Variants in TRPA1 observed in about 807,000 individuals in gnomAD.
TRPA1 encodes transient receptor potential cation channel subfamily A member 1.
TRPA1 carries 129 observed loss-of-function variants against 131.3 expected under a neutral mutation model. That is an observed-to-expected ratio of 0.98 (90% CI 0.85 to 1.14). The LOEUF is 1.14. Ranked by LOEUF, TRPA1 falls within the 50% of genes most tolerant of loss-of-function variation. The pLI, the probability that TRPA1 is intolerant of heterozygous loss-of-function variation, is 0.00. For synonymous variants in TRPA1, 441 were observed against 451.7 expected (o/e 0.98, Z 0.30); for missense variants, 1,304 against 1,354.2 (o/e 0.96, Z 0.58).
intron 23 of TRPA1, among the ~76,000 whole-genome samples, chr8:72,030,588 C>T (rs1811779439): frequency 6.6e-6 from 1 of 152,044 alleles, no homozygotes; most frequent in African/African-American, 2.4e-5. Context: ...ATCCAAAATT[C>T]ATTTCATTTA....
the TRPA1 span, among the ~76,000 whole-genome samples, chr8:72,086,476 C>A: frequency 6.6e-6 from 1 of 152,134 alleles, no homozygotes; most frequent in African/African-American, 2.4e-5. Context: ...TTAGCTTTTA[C>A]TGTACTGAAA....
the TRPA1 span, among the ~76,000 whole-genome samples, chr8:72,085,523 TA>T: frequency 7.0e-4 from 106 of 152,250 alleles, no homozygotes; most frequent in East Asian, 0.019. Context: ...TTATCTTCTT[TA>T]ATTTTTTTAT....
chr8:72,052,547 T>G (rs1252643107), intron 14 of TRPA1, 52 bp downstream of exon 14: 2 of 1,608,064 alleles, frequency 1.2e-6, no homozygotes, highest in Non-Finnish European at 1.7e-6. Context: ...AGACTTCAAA[T>G]CATCCCAACA....
rs755138807 is a variant in TRPA1 at position 72,055,436 on chromosome 8, C to T, written c.1529G>A (p.Ser510Asn). ...LLLKKGALFL[S>N]DHNGWTALHH... is the part of the protein sequence containing the mutation. ...AAACACTCCAATCATATATCCTCAC[C>T]TGAGAAACAATGCACCTTTTTTCAG... Residue 510 changes from serine (S) to asparagine (N), a missense_variant and splice_region_variant, in exon 12 of 27, where the codon AGT becomes AAT. Coordinates refer to ENST00000262209, the MANE Select transcript of TRPA1 (RefSeq NM_007332.3). 1.2e-6 allele frequency: 2 copies of T among 1,611,988 alleles called. No homozygotes were observed. The highest frequency in any genetic ancestry group is 2.2e-5 in the South Asian group (2 of 91,014).
At chr8:72,039,925 TG>T in intron 17 of TRPA1, 128 bp from the exon 18 acceptor site, 1 of 672,474 alleles carries the variant, frequency 1.5e-6, no homozygotes, top group Non-Finnish European at 2.6e-6. Context: ...TTTAGAACAT[TG>T]AAAAAAATAA....
chr8:72,032,977 C>T (rs1198998324), intron 23 of TRPA1, among the ~76,000 whole-genome samples: 3 of 152,288 alleles, frequency 2.0e-5, no homozygotes, highest in East Asian at 3.9e-4. Flanking sequence ...ATGGGATGCA[C>T]CTTTGCCTGC....
intron 17 of TRPA1, 57 bp downstream of exon 17, chr8:72,046,456 T>TAAAAAAAAAAA (rs11349767): frequency 3.6e-6 from 3 of 832,200 alleles, no homozygotes; most frequent in African/African-American, 2.2e-5. Flanking sequence ...TAAAGTATAA[T>TAAAAAAAAAAA]AAAAAAAAAA....
chr8:72,038,869 G>A lies in TRPA1; in HGVS notation c.2291C>T (p.Thr764Ile), dbSNP rs188623345. Residue 764 changes from threonine (T) to isoleucine (I), a missense_variant, in exon 19 of 27, where the codon ACC (threonine) becomes ATC (isoleucine). Transcript: ENST00000262209. The stretch of plus-strand genomic sequence containing the variant: ...AAAGTTAAAATTTGAAATTACCGTG[G>A]TATCTAGTATTTCTGAATGATCACT... ...ETSDHSEILDTTNSYLIKTCM... is the reference protein window; with the variant it reads ...ETSDHSEILDITNSYLIKTCM... The A allele has an allele frequency of 6.2e-7, 1 of 1,610,124 alleles. No individual in the cohort carries two copies. Among genetic ancestry groups the A allele is most frequent in the African/African-American group, 1.3e-5 (1 of 74,722 alleles).
chr8:72,044,313 C>T (rs1172620951), intron 17 of TRPA1, among the ~76,000 whole-genome samples: 1 of 151,344 alleles, frequency 6.6e-6, no homozygotes, highest in African/African-American at 2.4e-5. Context: ...TTTCTTCAAG[C>T]TAAAATAAAA....
intron 13 of TRPA1, 136 bp from the exon 14 acceptor site, chr8:72,052,901 T>C: frequency 1.0e-6 from 1 of 965,370 alleles, no homozygotes; most frequent in Non-Finnish European, 1.6e-6. Context: ...GTGTTCAGAA[T>C]CAAGCTTCAA....
chr8:72,078,625 G>A (rs1806232318), upstream of TRPA1, among the ~76,000 whole-genome samples: 1 of 151,968 alleles, frequency 6.6e-6, no homozygotes, highest in African/African-American at 2.4e-5. Context: ...TCCATTGTAT[G>A]GGTATACCAT....
intron 14 of TRPA1, 126 bp from the exon 15 acceptor site, chr8:72,050,997 C>T (rs1805490555): frequency 2.8e-6 from 2 of 713,542 alleles, no homozygotes; most frequent in Admixed American, 2.2e-5. Flanking sequence ...ATGCAATGCT[C>T]ACCCTTGGTT....
chr8:72,078,877 A>G (rs1806237793), upstream of TRPA1, among the ~76,000 whole-genome samples: 1 of 152,038 alleles, frequency 6.6e-6, no homozygotes, highest in Non-Finnish European at 1.5e-5. Flanking sequence ...GGCCTCCAGC[A>G]GTGTATGAGG....
intron 8 of TRPA1, among the ~76,000 whole-genome samples, chr8:72,059,011 C>G (rs182162968): frequency 1.3e-5 from 2 of 152,180 alleles, no homozygotes; most frequent in Admixed American, 6.5e-5. Context: ...AGTTTCCCCC[C>G]GTGCTGCCTG....
At chr8:72,088,787 T>C in the TRPA1 span, among the ~76,000 whole-genome samples, 3 of 152,052 alleles carry the variant, frequency 2.0e-5, no homozygotes, top group Admixed American at 6.6e-5. Flanking sequence ...ATGTACTTTG[T>C]TATAGAGAAA....
At chr8:72,087,900 G>T in the TRPA1 span, among the ~76,000 whole-genome samples, 5,829 of 152,132 alleles carry the variant, frequency 0.038, 377 homozygotes, top group African/African-American at 0.13. Context: ...ACAGAGGCTG[G>T]CTGTGCCGCT....
At chr8:72,056,775 A>G in intron 10 of TRPA1, 142 bp downstream of exon 10, 1 of 674,236 alleles carries the variant, frequency 1.5e-6, no homozygotes, top group Middle Eastern at 4.1e-4. Flanking sequence ...GTAACTAAAT[A>G]GTCAAATATG....
At chr8:72,032,953 C>G (rs1456372620) in intron 23 of TRPA1, among the ~76,000 whole-genome samples, 1 of 152,170 alleles carries the variant, frequency 6.6e-6, no homozygotes, top group Non-Finnish European at 1.5e-5. Flanking sequence ...ATAAGGGCTC[C>G]CCATGGACCT....
At chr8:72,040,474 A>T (rs1044490006) in intron 17 of TRPA1, among the ~76,000 whole-genome samples, 2 of 152,106 alleles carry the variant, frequency 1.3e-5, no homozygotes, top group African/African-American at 4.8e-5. Context: ...CAGTAGGAAA[A>T]TGCATGGCCT....
Sources: allele counts gnomAD v4.1 joint callset (sites outside exome capture counted in the v4.1 genomes callset), GRCh38; gene constraint gnomAD v4.1.1; transcripts MANE v1.5; gene names NCBI Gene and HGNC (gene_info 2026-07-23, HGNC 2026-07-21).